The following VEGFC variants were observed in gnomAD, a reference collection of about 807,000 sequenced individuals.
VEGFC encodes vascular endothelial growth factor C, also known as FLT4 ligand DHM.
In VEGFC, 12 loss-of-function variants were observed where a neutral mutation model predicts 46.1. The observed-to-expected ratio is 0.26, with a 90% CI of 0.17 to 0.42. VEGFC has a LOEUF of 0.42. Ranked by LOEUF, VEGFC falls within the 10% of genes least tolerant of loss-of-function variation. The pLI is 1.00. For missense variants in VEGFC, 488 were observed against 529.4 expected (o/e 0.92, Z 0.77); for synonymous variants, 232 against 195.5 (o/e 1.19, Z -1.56).
chr4:176,749,558 G>A (rs1010484110), intron 1 of VEGFC, among the ~76,000 whole-genome samples: 19 of 151,436 alleles, frequency 1.3e-4, no homozygotes, highest in Admixed American at 1.1e-3. Context: ...ATCTATTAGT[G>A]TATATATTTA....
intron 1 of VEGFC, among the ~76,000 whole-genome samples, chr4:176,787,681 C>T (rs547304842): frequency 2.6e-5 from 4 of 152,076 alleles, no homozygotes; most frequent in Middle Eastern, 3.4e-3. Flanking sequence ...TCTCTGCTTT[C>T]TCATGGTTAA....
chr4:176,759,928 CATT>C (rs1172354360), intron 1 of VEGFC, among the ~76,000 whole-genome samples: 1 of 151,828 alleles, frequency 6.6e-6, no homozygotes, highest in Non-Finnish European at 1.5e-5. Context: ...AACATGGTAT[CATT>C]GACGAAGGCA....
chr4:176,710,104 T>C (rs932083009), intron 4 of VEGFC, among the ~76,000 whole-genome samples: 7 of 152,224 alleles, frequency 4.6e-5, no homozygotes, highest in Admixed American at 2.0e-4. Flanking sequence ...TCTTTCTCTT[T>C]GTACTTACAG....
chr4:176,755,883 T>C (rs1240293832), intron 1 of VEGFC, among the ~76,000 whole-genome samples: 2 of 152,208 alleles, frequency 1.3e-5, no homozygotes, highest in African/African-American at 2.4e-5. Context: ...CATTATTTAC[T>C]GTAATGCATT....
chr4:176,776,144 A>C (rs1433473123), intron 1 of VEGFC, among the ~76,000 whole-genome samples: 1 of 152,246 alleles, frequency 6.6e-6, no homozygotes, highest in Non-Finnish European at 1.5e-5. Context: ...CAACATATTA[A>C]TTATTAAAAT....
intron 1 of VEGFC, among the ~76,000 whole-genome samples, chr4:176,791,433 A>C (rs1042021512): frequency 6.6e-6 from 1 of 152,218 alleles, no homozygotes; most frequent in Non-Finnish European, 1.5e-5. Flanking sequence ...TTTTCAGGCA[A>C]AGGATTAAAC....
chr4:176,761,856 C>G (rs891835889), intron 1 of VEGFC, among the ~76,000 whole-genome samples: 4 of 152,174 alleles, frequency 2.6e-5, no homozygotes, highest in Non-Finnish European at 4.4e-5. Flanking sequence ...AATGAAACAG[C>G]AGAGAGTGCT....
At chr4:176,731,142 T>C (rs928208335) in intron 1 of VEGFC, among the ~76,000 whole-genome samples, 1 of 152,068 alleles carries the variant, frequency 6.6e-6, no homozygotes, top group Non-Finnish European at 1.5e-5. Flanking sequence ...ATAGAAAATC[T>C]ACTGAATATG....
chr4:176,788,742 C>T (rs946528521), intron 1 of VEGFC, among the ~76,000 whole-genome samples: 2 of 152,066 alleles, frequency 1.3e-5, no homozygotes, highest in Non-Finnish European at 2.9e-5. Context: ...ATCGACTTTG[C>T]ACCATTGTAA....
At chr4:176,745,921 C>T (rs1465963832) in intron 1 of VEGFC, among the ~76,000 whole-genome samples, 1 of 151,970 alleles carries the variant, frequency 6.6e-6, no homozygotes, top group South Asian at 2.1e-4. Context: ...TGTACAAGGG[C>T]AAAATTTTAA....
chr4:176,706,674 A>ACCTAAGC (rs942711987), intron 4 of VEGFC, among the ~76,000 whole-genome samples: 1 of 151,510 alleles, frequency 6.6e-6, no homozygotes. Context: ...ACTATTTGAA[A>ACCTAAGC]CCTAAGCTAC....
chr4:176,741,609 A>C (rs1489132067), intron 1 of VEGFC, among the ~76,000 whole-genome samples: 1 of 152,006 alleles, frequency 6.6e-6, no homozygotes, highest in Non-Finnish European at 1.5e-5. Context: ...GGATAATAAA[A>C]AAAGATAAAA....
rs962325357 is a variant in VEGFC, at chr4:176,765,532, C to T, written c.147+26633G>A. 4.0e-5 allele frequency among the ~76,000 whole-genome samples: 6 copies of T among 150,810 alleles called. No homozygotes were observed. The East Asian group carries it at 1.2e-3, about 29-fold the overall frequency. On this transcript the variant is annotated intron_variant, in intron 1 of 6. Coordinates refer to ENST00000618562, the MANE Select transcript of VEGFC (RefSeq NM_005429.5). ...AAAATACTACACCATAATAGAACTACTGAAATCCAAAGACAGAATTTTTTT... is the reference window on the plus strand; with the variant it reads ...AAAATACTACACCATAATAGAACTATTGAAATCCAAAGACAGAATTTTTTT...
chr4:176,792,373 G>A lies in VEGFC; in HGVS notation c.-62C>T. On this transcript the variant is annotated 5_prime_UTR_variant, in exon 1 of 7. Transcript: ENST00000618562. This position sits in a 1 kb window ranked among gnomAD's most constrained non-coding sequence, Gnocchi z 6.3. ...CGGGGGCAGGGGTGGGGGCGCGGGC[G>A]CCCCTGCGAGGCCGCGGGCCCCTCC... 1 of 1,308,648 alleles carries A rather than the reference G, an allele frequency of 7.6e-7. No homozygotes were observed. The highest frequency in any genetic ancestry group is 1.0e-6 in the Non-Finnish European group (1 of 1,003,374). 81.1% of individuals were successfully genotyped at this position (1,308,648 alleles called of 1,614,324 possible).
chr4:176,733,015 GAAGT>G (rs947652603), intron 1 of VEGFC, among the ~76,000 whole-genome samples: 6 of 151,704 alleles, frequency 4.0e-5, no homozygotes, highest in African/African-American at 1.5e-4. Flanking sequence ...CCAACAAAAA[GAAGT>G]AATATAATGC....
chr4:176,763,552 C>A (rs1735567205), intron 1 of VEGFC, among the ~76,000 whole-genome samples: 1 of 152,068 alleles, frequency 6.6e-6, no homozygotes, highest in Non-Finnish European at 1.5e-5. Context: ...TTATTTTTAA[C>A]TTGAGTAGCG....
intron 1 of VEGFC, among the ~76,000 whole-genome samples, chr4:176,735,642 A>C (rs1735041457): frequency 6.6e-6 from 1 of 151,890 alleles, no homozygotes; most frequent in African/African-American, 2.4e-5. Context: ...GTGAAACACA[A>C]AATGTAAGAG....
In VEGFC at chr4:176,684,868, G is replaced by C. The variant is rs561851615; in HGVS notation, c.1146-828C>G. Among the ~76,000 whole-genome samples the C allele has an allele frequency of 8.5e-5, 13 of 152,276 alleles. No homozygotes were observed. In the South Asian group the frequency reaches 2.7e-3, roughly 32 times the overall value. Reference sequence around the variant, plus strand: ...AGCCTCCCGAGTAGCTGGGATTACAGGTATGTGTGGCCACGCCTGGCTAAG... The same window carrying C: ...AGCCTCCCGAGTAGCTGGGATTACACGTATGTGTGGCCACGCCTGGCTAAG... On this transcript the variant is annotated intron_variant, in intron 6 of 6. Transcript: ENST00000618562.
At chr4:176,765,715 C>T (rs1005187041) in intron 1 of VEGFC, among the ~76,000 whole-genome samples, 24 of 151,990 alleles carry the variant, frequency 1.6e-4, no homozygotes, top group African/African-American at 5.3e-4. Context: ...CCACCACACC[C>T]GGCTAATTTT....
Sources: allele counts gnomAD v4.1 joint callset (sites outside exome capture counted in the v4.1 genomes callset), GRCh38; gene constraint gnomAD v4.1.1; non-coding constraint Gnocchi (gnomAD v3.1); transcripts MANE v1.5; gene names NCBI Gene and HGNC (gene_info 2026-07-23, HGNC 2026-07-21).